TRMU: variants seen among roughly 807,000 people sequenced by gnomAD.
TRMU encodes the protein mitochondrial tRNA-specific 2-thiouridylase 1.
Under a neutral mutation model 46.9 loss-of-function variants are expected in TRMU, and 49 were observed. That is an observed-to-expected ratio of 1.05 (90% CI 0.83 to 1.33). TRMU has a LOEUF of 1.33. Among genes scored for constraint, TRMU ranks in the 40% most tolerant of loss-of-function variants. TRMU has a pLI of 0.00. For synonymous variants in TRMU, 241 were observed against 200.9 expected, an observed-to-expected ratio of 1.20 and a Z score of -1.69; for missense variants, 572 against 532.4, an observed-to-expected ratio of 1.07 and a Z score of -0.73.
Position 46,339,352 on chromosome 22 carries a change from G to A in TRMU, c.248+1408G>A, listed in dbSNP as rs2078061546. 6.6e-6 allele frequency among the ~76,000 whole-genome samples: 1 copy of A among 152,200 alleles called. No homozygotes were observed. Among genetic ancestry groups the A allele is most frequent in the African/African-American group, 2.4e-5 (1 of 41,456 alleles). ...TTTAGTAGAGACAGGGTTTCGCCAT[G>A]TTGGCCGGGCTAGTCTCAGACTCCT... On this transcript the variant is annotated intron_variant, in intron 2 of 10. Coordinates refer to ENST00000645190, the MANE Select transcript of TRMU (RefSeq NM_018006.5). This position sits in a 1 kb window ranked among gnomAD's most constrained non-coding sequence, Gnocchi z 4.8.
At chr22:46,356,123 C>A in intron 10 of TRMU, 51 bp downstream of exon 10, 1 of 1,597,300 alleles carries the variant, frequency 6.3e-7, no homozygotes, top group South Asian at 1.1e-5. Flanking sequence ...GCTCTGCACC[C>A]TGCCAGGGCA....
At chr22:46,356,546 C>G (rs1477682283) in intron 10 of TRMU, 1 of 485,726 alleles carries the variant, frequency 2.1e-6, no homozygotes, top group African/African-American at 1.9e-5. Context: ...TGTCACAGCT[C>G]CACATTCCCA....
At position 46,352,274 on chromosome 22, in the gene TRMU, C is replaced by T. The variant is rs967904732; in HGVS notation, c.716C>T (p.Pro239Leu). 2 of 1,614,126 alleles carry T rather than the reference C, an allele frequency of 1.2e-6. No individual in the cohort carries two copies. The highest frequency in any genetic ancestry group is 8.5e-7 in the Non-Finnish European group (1 of 1,180,030). Residue 239 changes from proline to leucine, a missense_variant, in exon 7 of 11, where the codon CCT becomes CTT. By Grantham distance (98) the Pro-to-Leu change is moderately conservative. Coordinates refer to ENST00000645190, the MANE Select transcript of TRMU (RefSeq NM_018006.5). ...ATGTTTGTTTTCCAGTATCTGCAGC[C>T]TCGACCTGGTCACTTTATTTCCATA... The part of the protein sequence containing the change: ...FEHFLLQYLQ[P>L]RPGHFISIED...
chr22:46,338,090 G>A lies in TRMU; in HGVS notation c.248+146G>A, dbSNP rs2078028019. On this transcript the variant is annotated intron_variant, in intron 2 of 10. Coordinates refer to ENST00000645190, the MANE Select transcript of TRMU (RefSeq NM_018006.5). This position sits in a 1 kb window ranked among gnomAD's most constrained non-coding sequence, Gnocchi z 4.5. Reference sequence around the variant, plus strand: ...GTGCTGAAGACTGCAAGAGGCCTCAGCCACCCTCGGGGCTCTGTGTTAGAG... The same window carrying A: ...GTGCTGAAGACTGCAAGAGGCCTCAACCACCCTCGGGGCTCTGTGTTAGAG... The A allele has an allele frequency of 9.0e-7, 1 of 1,109,136 alleles. No homozygotes were observed. The highest frequency in any genetic ancestry group is 1.3e-6 in the Non-Finnish European group (1 of 741,498). 68.7% of individuals were successfully genotyped at this position (1,109,136 alleles called of 1,614,324 possible).
chr22:46,347,377 G>A lies in TRMU; in HGVS notation c.478+833G>A, dbSNP rs1035402997. The A allele has an allele frequency of 6.6e-6, 1 of 151,718 alleles. No individual in the cohort carries two copies. The highest frequency in any genetic ancestry group is 1.5e-5 in the Non-Finnish European group (1 of 67,962). The allele number at this position is 151,718 out of a possible 1,614,324, so 9.4% of individuals were successfully genotyped here. A position where few individuals can be genotyped will look rare whatever the true frequency, so the allele number is the denominator to read the frequency against. ...TATTAATTTTATTTTTTTGAGAGAG[G>A]ATCTCACTCTGTCAACCGGGCTGGA... On this transcript the variant is annotated intron_variant, in intron 4 of 10. Coordinates refer to ENST00000645190, the MANE Select transcript of TRMU (RefSeq NM_018006.5). This position sits in a 1 kb window ranked among gnomAD's most constrained non-coding sequence, Gnocchi z 5.0.
intron 2 of TRMU, 135 bp from the exon 3 acceptor site, chr22:46,343,127 T>G (rs9615954): frequency 0.029 from 19,785 of 687,970 alleles, 384 homozygotes; most frequent in Non-Finnish European, 0.038. Flanking sequence ...TGACTGACGT[T>G]CTCCTGTTTT....
At chr22:46,353,522 G>A in intron 7 of TRMU, 1 of 438,942 alleles carries the variant, frequency 2.3e-6, no homozygotes, top group Non-Finnish European at 4.3e-6. Flanking sequence ...CACCTTCTGG[G>A]GCACAAGGTG....
In TRMU at chr22:46,349,798, C is replaced by T. The variant is rs962928335; in HGVS notation, c.479-493C>T. On this transcript the variant is annotated intron_variant, in intron 4 of 10. Transcript: ENST00000645190. The surrounding 1 kb of genome is among the most constrained non-coding windows in gnomAD (Gnocchi z 4.6). ...TAATGCCTTCACAGGTAGGGCGCTG[C>T]TGGAGGCATGTGCTGGCCGCCGGGC... 4.6e-5 allele frequency among the ~76,000 whole-genome samples: 7 copies of T among 152,208 alleles called. No individual in the cohort carries two copies. Among genetic ancestry groups the T allele is most frequent in the African/African-American group, 1.7e-4 (7 of 41,460 alleles).
Position 46,336,692 on chromosome 22 carries a change from T to A in TRMU, c.82+846T>A, listed in dbSNP as rs976873917. 6.6e-6 allele frequency: 1 copy of A among 152,230 alleles called. No homozygotes were observed. Among genetic ancestry groups the A allele is most frequent in the Non-Finnish European group, 1.5e-5 (1 of 68,066 alleles). The allele number at this position is 152,230 out of a possible 1,614,324, so 9.4% of individuals were successfully genotyped here. ...GTACGCAGAAAACAGTAGTGGCTAT[T>A]AGTTTATATTGTTAATAACCATAGC... On this transcript the variant is annotated intron_variant, in intron 1 of 10. Coordinates refer to ENST00000645190, the MANE Select transcript of TRMU (RefSeq NM_018006.5). This position sits in a 1 kb window ranked among gnomAD's most constrained non-coding sequence, Gnocchi z 4.1.
chr22:46,341,533 G>A (rs2078123177), intron 2 of TRMU, among the ~76,000 whole-genome samples: 1 of 152,028 alleles, frequency 6.6e-6, no homozygotes, highest in Non-Finnish European at 1.5e-5. Flanking sequence ...GCAGATCTGT[G>A]ATATGTCTGC....
chr22:46,340,963 C>T (rs563220481), intron 2 of TRMU, among the ~76,000 whole-genome samples: 39 of 152,364 alleles, frequency 2.6e-4, no homozygotes, highest in African/African-American at 9.1e-4. Context: ...TTGGTCTTTC[C>T]GCTGAAGACT....
intron 10 of TRMU, chr22:46,356,564 C>CAGAG: frequency 1.9e-6 from 1 of 521,956 alleles, no homozygotes; most frequent in Non-Finnish European, 3.5e-6. Flanking sequence ...CCAAGGGGTG[C>CAGAG]AGAGACCTGC....
In TRMU at chr22:46,356,053, G is replaced by C; in HGVS notation, c.1082G>C (p.Arg361Pro). Residue 361 changes from arginine (R) to proline (P), a missense_variant, in exon 10 of 11, where the codon CGT becomes CCT. Arg to Pro is a moderately radical substitution (Grantham distance 103). Transcript: ENST00000645190. Reference protein sequence around the residue: ...TVWVTAVQAVRALATGQFAVF... With the variant: ...TVWVTAVQAVPALATGQFAVF... ...TGGGTGACAGCTGTGCAGGCTGTGCGTGCCCTTGCCACAGGACAGGTGCGT... is the reference window on the plus strand; with the variant it reads ...TGGGTGACAGCTGTGCAGGCTGTGCCTGCCCTTGCCACAGGACAGGTGCGT... 1 of 1,613,878 alleles carries C rather than the reference G, an allele frequency of 6.2e-7. No homozygotes were observed. The highest frequency in any genetic ancestry group is 8.5e-7 in the Non-Finnish European group (1 of 1,179,880).
chr22:46,356,835 C>CCTACAGTTTGCTGTGTTCT lies in TRMU; in HGVS notation c.1102-6_1114dup. 6.2e-7 allele frequency: 1 copy of CCTACAGTTTGCTGTGTTCT among 1,613,096 alleles called. No individual in the cohort carries two copies. Among genetic ancestry groups the CCTACAGTTTGCTGTGTTCT allele is most frequent in the African/African-American group, 1.3e-5 (1 of 75,062 alleles). ...GCACCCCTGATGCCAGGGTCTCTCCCCTACAGTTTGCTGTGTTCTACAAGG... is the reference window on the plus strand; with the variant it reads ...GCACCCCTGATGCCAGGGTCTCTCCCCTACAGTTTGCTGTGTTCTCTACAGTTTGCTGTGTTCTACAAGG... On this transcript the variant is annotated splice_region_variant and splice_polypyrimidine_tract_variant and intron_variant, in intron 10 of 10. Transcript: ENST00000645190.
chr22:46,355,915 T>A, intron 9 of TRMU, 75 bp from the exon 10 acceptor site: 31 of 1,550,966 alleles, frequency 2.0e-5, no homozygotes, highest in Non-Finnish European at 2.8e-5. Context: ...GGGCTGGTGC[T>A]CCTTTCTCCC....
intron 7 of TRMU, chr22:46,352,914 C>T (rs945097606): frequency 2.0e-5 from 4 of 195,398 alleles, no homozygotes; most frequent in Non-Finnish European, 3.2e-5. Flanking sequence ...AGTACAGTGG[C>T]GGGGATGTGC....
intron 2 of TRMU, among the ~76,000 whole-genome samples, chr22:46,340,509 G>C (rs2078094487): frequency 1.4e-5 from 2 of 141,152 alleles, no homozygotes; most frequent in African/African-American, 6.4e-5. Context: ...TGGCAAATTA[G>C]GAGCGGAGCT....
intron 9 of TRMU, 151 bp downstream of exon 9, chr22:46,355,739 C>T (rs2078584105): frequency 7.3e-7 from 1 of 1,364,558 alleles, no homozygotes; most frequent in Non-Finnish European, 1.0e-6. Flanking sequence ...CTCCCGTGTC[C>T]TGTGCCTGCC....
chr22:46,338,024 C>CCGA lies in TRMU; in HGVS notation c.248+83_248+85dup. On this transcript the variant is annotated intron_variant, in intron 2 of 10. Coordinates refer to ENST00000645190, the MANE Select transcript of TRMU (RefSeq NM_018006.5). The surrounding 1 kb of genome is among the most constrained non-coding windows in gnomAD (Gnocchi z 4.5). ...TGGAAGGATCCGGTAACCAGCCAGA[C>CCGA]CGACGCCTGTGCTGCAGCCCAGCGC... 6.3e-7 allele frequency: 1 copy of CCGA among 1,586,510 alleles called. No homozygotes were observed. Among genetic ancestry groups the CCGA allele is most frequent in the Non-Finnish European group, 8.6e-7 (1 of 1,156,754 alleles).
Sources: allele counts gnomAD v4.1 joint callset (sites outside exome capture counted in the v4.1 genomes callset), GRCh38; gene constraint gnomAD v4.1.1; non-coding constraint Gnocchi (gnomAD v3.1); transcripts MANE v1.5; gene names NCBI Gene and HGNC (gene_info 2026-07-23, HGNC 2026-07-21).